LMO7: variants seen among roughly 807,000 people sequenced by gnomAD.
LMO7 encodes the protein LIM domain only protein 7.
LMO7 carries 120 observed loss-of-function variants against 206.5 expected under a neutral mutation model. The observed-to-expected ratio is 0.58, with a 90% CI of 0.50 to 0.68. LMO7 has a LOEUF of 0.68. LMO7 is among the 30% of genes least tolerant of loss of function. The probability of loss-of-function intolerance (pLI) is 0.00; values close to 1 mark genes in which losing one functional copy is unlikely to be tolerated. For missense variants in LMO7, 1,959 were observed against 1,957.9 expected, an observed-to-expected ratio of 1.00 and a Z score of -0.01; for synonymous variants, 706 against 681.5, an observed-to-expected ratio of 1.04 and a Z score of -0.56.
upstream of LMO7, among the ~76,000 whole-genome samples, chr13:75,633,429 G>A (rs1001034): frequency 0.17 from 26,550 of 152,082 alleles, 2,527 homozygotes; most frequent in East Asian, 0.36. Flanking sequence ...CATCACCCCA[G>A]TACGGAAGAA....
intron 3 of LMO7, among the ~76,000 whole-genome samples, chr13:75,740,276 T>C (rs2046309873): frequency 6.6e-6 from 1 of 152,176 alleles, no homozygotes; most frequent in South Asian, 2.1e-4. Context: ...TTTGTGAGTA[T>C]GTTTGGATGT....
At chr13:75,856,273 A>G (rs1445345090) in intron 29 of LMO7, among the ~76,000 whole-genome samples, 2 of 152,184 alleles carry the variant, frequency 1.3e-5, no homozygotes, top group Non-Finnish European at 2.9e-5. Flanking sequence ...TTTGGGGAGT[A>G]TATTTAGACT....
At position 75,808,028 on chromosome 13, in the gene LMO7, G is replaced by A. The variant is rs770634635; in HGVS notation, c.1745G>A (p.Arg582Gln). The A allele has an allele frequency of 3.7e-5, 60 of 1,613,688 alleles. No homozygotes were observed. The highest frequency in any genetic ancestry group is 2.7e-4 in the Admixed American group (16 of 59,988). Residue 582 changes from arginine (R) to glutamine (Q), a missense_variant, in exon 10 of 31, where the codon CGG becomes CAG. Physicochemically the swap from Arg to Gln is conservative, Grantham distance 43. Coordinates refer to ENST00000377534, the MANE Select transcript of LMO7 (RefSeq NM_001306080.2). ...TGTAGAATATTAGTTCCTTCATATCGGCAGAAGAAAGATGACATGCTGACA... is the reference window on the plus strand; with the variant it reads ...TGTAGAATATTAGTTCCTTCATATCAGCAGAAGAAAGATGACATGCTGACA... ...NSCRILVPSY[R>Q]QKKDDMLTRK... is the part of the protein sequence containing the mutation.
At chr13:75,711,260 CTTTT>C (rs968159865) in intron 1 of LMO7, among the ~76,000 whole-genome samples, 100 of 152,206 alleles carry the variant, frequency 6.6e-4, no homozygotes, top group African/African-American at 2.3e-3. Flanking sequence ...CTAAAATTCT[CTTTT>C]TTGGTTGTGT....
chr13:75,845,571 T>C (rs2059923684), intron 26 of LMO7, among the ~76,000 whole-genome samples, 192 bp downstream of exon 26: 2 of 152,226 alleles, frequency 1.3e-5, no homozygotes, highest in South Asian at 2.1e-4. Context: ...TTATTTTATA[T>C]TGAAAAATAC....
At position 75,833,140 on chromosome 13, in the gene LMO7, G is replaced by A. The variant is rs148192589; in HGVS notation, c.3039G>A (p.Gly1013=). 52 of 1,600,298 alleles carry A rather than the reference G, an allele frequency of 3.2e-5. No homozygotes were observed. The African/African-American group carries it at 6.3e-4, about 19-fold the overall frequency. The part of the protein sequence containing the change: ...FGFTIKWDIP[G]IFVASVEAGS... ...TTACAATAAAATGGGATATTCCTGG[G>A]ATCTTCGTAGCATCAGTTGAAGCAG... is the stretch of plus-strand genomic sequence containing the variant. Residue 1013 remains glycine, a synonymous_variant, in exon 16 of 31, where the codon GGG becomes GGA. Coordinates refer to ENST00000377534, the MANE Select transcript of LMO7 (RefSeq NM_001306080.2).
At chr13:75,722,616 C>T (rs2044118256) in intron 2 of LMO7, among the ~76,000 whole-genome samples, 1 of 152,084 alleles carries the variant, frequency 6.6e-6, no homozygotes, top group African/African-American at 2.4e-5. Context: ...ACTAGTACAG[C>T]CACTGTGGAA....
At chr13:75,739,422 A>T (rs1450572517) in intron 3 of LMO7, among the ~76,000 whole-genome samples, 1 of 152,234 alleles carries the variant, frequency 6.6e-6, no homozygotes, top group Non-Finnish European at 1.5e-5. Context: ...TTGTCTCCTC[A>T]TTCAGGAATG....
intron 2 of LMO7, chr13:75,627,722 G>A (rs773286118): frequency 4.0e-5 from 6 of 150,398 alleles, no homozygotes; most frequent in Non-Finnish European, 5.9e-5. Context: ...TTCGTTTCAT[G>A]GGCTTCAGGA....
At chr13:75,634,665 C>T (rs1198672969), upstream of LMO7, among the ~76,000 whole-genome samples, 2 of 151,874 alleles carry the variant, frequency 1.3e-5, no homozygotes, top group Non-Finnish European at 1.5e-5. Context: ...ATGGCGTGGA[C>T]CCGGGAGGCG....
In LMO7 at chr13:75,717,588, AT is replaced by A. The variant is rs966926572; in HGVS notation, c.140+4343del. Among the ~76,000 whole-genome samples, 4 of 149,646 alleles carry A rather than the reference AT, an allele frequency of 2.7e-5. No individual in the cohort carries two copies. In the East Asian group the frequency reaches 5.8e-4, roughly 22 times the overall value. On this transcript the variant is annotated intron_variant, in intron 2 of 30. Transcript: ENST00000377534. ...ATACATATTCAATAGAAAAATATAT[AT>A]TTTTTTATTTTTACAAATACTACTG...
intron 3 of LMO7, among the ~76,000 whole-genome samples, chr13:75,735,092 C>T (rs9573647): frequency 0.43 from 63,139 of 146,060 alleles, 13,707 homozygotes; most frequent in East Asian, 0.63. Flanking sequence ...AGCGAGACTC[C>T]GTCTCAAAAA....
intron 4 of LMO7, among the ~76,000 whole-genome samples, chr13:75,785,874 A>C (rs190929763): frequency 3.8e-4 from 58 of 152,306 alleles, no homozygotes; most frequent in African/African-American, 1.4e-3. Context: ...TGAGCATGGG[A>C]TCAAGTCTGG....
upstream of LMO7, among the ~76,000 whole-genome samples, chr13:75,633,843 T>C (rs1221650658): frequency 1.7e-4 from 1 of 5,730 alleles, no homozygotes; most frequent in Admixed American, 2.9e-3. Context: ...GTCTTTTCCT[T>C]TTTTTTTTTT....
chr13:75,708,880 T>C (rs1193755194), intron 1 of LMO7, among the ~76,000 whole-genome samples: 1 of 152,154 alleles, frequency 6.6e-6, no homozygotes, highest in Non-Finnish European at 1.5e-5. Flanking sequence ...ATGTGCAATG[T>C]TGGTGTGCTG....
intron 4 of LMO7, among the ~76,000 whole-genome samples, chr13:75,780,118 T>A (rs899583345): frequency 6.6e-6 from 1 of 152,090 alleles, no homozygotes; most frequent in African/African-American, 2.4e-5. Flanking sequence ...AAGGCCAGGG[T>A]GAAATTAGAA....
rs1398063549 is a variant in LMO7, at chr13:75,859,326, G to A, written c.*1383G>A. ...AGGATAACTTGTCAAATGCCCCAAAGCATAAAGAATATAATTCTGAATCCC... is the reference window on the plus strand; with the variant it reads ...AGGATAACTTGTCAAATGCCCCAAAACATAAAGAATATAATTCTGAATCCC... On this transcript the variant is annotated 3_prime_UTR_variant, in exon 31 of 31. Transcript: ENST00000377534. 1 of 152,066 alleles carries A rather than the reference G, an allele frequency of 6.6e-6. No individual in the cohort carries two copies. Among genetic ancestry groups the A allele is most frequent in the Non-Finnish European group, 1.5e-5 (1 of 68,006 alleles). 9.4% of individuals were successfully genotyped at this position (152,066 alleles called of 1,614,324 possible).
rs191290984 is a variant in LMO7, at chr13:75,735,468, T to C, written c.210+8370T>C. Among the ~76,000 whole-genome samples the C allele has an allele frequency of 2.8e-3, 425 of 152,244 alleles. 3 individuals are homozygous for C. The highest frequency in any genetic ancestry group is 1.0e-2 in the African/African-American group (415 of 41,536). ...AAAAATTTAGTTTTTGAAGTCTGTT[T>C]TAAAATTTTTTTGAGATGGAGTCTC... On this transcript the variant is annotated intron_variant, in intron 3 of 30. Transcript: ENST00000377534.
chr13:75,636,518 C>T lies in LMO7; in HGVS notation c.-140C>T. On this transcript the variant is annotated 5_prime_UTR_variant, in exon 1 of 31. Transcript: ENST00000377534. Reference sequence around the variant, plus strand: ...AGAGCGCAACAAAGGGAACTAGAGCCCCGGCGCCTTCGCAGCCGGAGCGGA... The same window carrying T: ...AGAGCGCAACAAAGGGAACTAGAGCTCCGGCGCCTTCGCAGCCGGAGCGGA... 5.3e-6 allele frequency: 8 copies of T among 1,512,344 alleles called. No individual in the cohort carries two copies. The South Asian group carries it at 6.2e-5, about 12-fold the overall frequency. The allele number at this position is 1,512,344 out of a possible 1,614,324, so 93.7% of individuals were successfully genotyped here.
Sources: allele counts gnomAD v4.1 joint callset (sites outside exome capture counted in the v4.1 genomes callset), GRCh38; gene constraint gnomAD v4.1.1; transcripts MANE v1.5; gene names NCBI Gene and HGNC (gene_info 2026-07-23, HGNC 2026-07-21).